The following LRRC4C variants were observed in gnomAD, a reference collection of about 807,000 sequenced individuals.
The protein encoded by LRRC4C is leucine rich repeat containing 4C.
A neutral mutation model predicts 33.6 loss-of-function variants in LRRC4C; 5 were observed. That is an observed-to-expected ratio of 0.15 (90% CI 0.08 to 0.31). The LOEUF (loss-of-function observed/expected upper bound fraction) is 0.31, where lower values mean the gene tolerates loss of function less well. Among genes scored for constraint, LRRC4C ranks in the 10% least tolerant of loss-of-function variants. LRRC4C has a pLI of 1.00. For missense variants in LRRC4C, 560 were observed against 796.7 expected (o/e 0.70, Z 3.58); for synonymous variants, 329 against 302.0 (o/e 1.09, Z -0.93).
chr11:40,566,735 A>G (rs1425550352), intron 3 of LRRC4C, among the ~76,000 whole-genome samples: 1 of 152,146 alleles, frequency 6.6e-6, no homozygotes, highest in East Asian at 1.9e-4. Context: ...TAAAGCTAAC[A>G]TTATTGCTAA....
intron 5 of LRRC4C, among the ~76,000 whole-genome samples, chr11:40,152,134 C>A (rs888798353): frequency 6.6e-6 from 1 of 152,158 alleles, no homozygotes; most frequent in Admixed American, 6.5e-5. Flanking sequence ...GTGAGTGCCC[C>A]ATCTGTGGAA....
At chr11:41,434,982 T>C (rs1955377252) in intron 1 of LRRC4C, among the ~76,000 whole-genome samples, 3 of 152,176 alleles carry the variant, frequency 2.0e-5, no homozygotes, top group Admixed American at 1.3e-4. Flanking sequence ...TTATCTTGCA[T>C]TTTATAAGCC....
chr11:40,920,666 A>T (rs552137842), intron 2 of LRRC4C, among the ~76,000 whole-genome samples: 1 of 152,242 alleles, frequency 6.6e-6, no homozygotes, highest in South Asian at 2.1e-4. Context: ...TGATGACTCA[A>T]TTCACCCATT....
At chr11:41,019,781 G>T (rs1855831784) in intron 1 of LRRC4C, among the ~76,000 whole-genome samples, 1 of 152,086 alleles carries the variant, frequency 6.6e-6, no homozygotes, top group African/African-American at 2.4e-5. Context: ...GTGATGCTGA[G>T]CTTTTTTTCC....
At chr11:40,972,157 A>T (rs1215923574) in intron 1 of LRRC4C, among the ~76,000 whole-genome samples, 2 of 147,352 alleles carry the variant, frequency 1.4e-5, no homozygotes, top group African/African-American at 5.0e-5. Flanking sequence ...TTTTTTTTGA[A>T]ATGGAGTCTT....
At position 40,661,077 on chromosome 11, in the gene LRRC4C, T is replaced by C. The variant is rs540971419; in HGVS notation, c.-406-12799A>G. Among the ~76,000 whole-genome samples the C allele has an allele frequency of 4.6e-5, 7 of 152,258 alleles. No homozygotes were observed. The South Asian group carries it at 1.0e-3, about 23-fold the overall frequency. On this transcript the variant is annotated intron_variant, in intron 2 of 6. Coordinates refer to ENST00000528697, the MANE Select transcript of LRRC4C (RefSeq NM_001258419.2). ...TTTGACATAAACATACAATAACGAA[T>C]TGAATTATTAGAATTACCATGACAA...
chr11:40,752,575 T>C (rs1336148575), intron 2 of LRRC4C, among the ~76,000 whole-genome samples: 1 of 151,750 alleles, frequency 6.6e-6, no homozygotes, highest in Non-Finnish European at 1.5e-5. Context: ...ACAATGGCTA[T>C]TACTAAAAAT....
chr11:40,462,233 G>A (rs1257264933), intron 3 of LRRC4C, among the ~76,000 whole-genome samples: 2 of 152,000 alleles, frequency 1.3e-5, no homozygotes, highest in Admixed American at 6.6e-5. Context: ...TAACATAAGA[G>A]TTTATTTAAA....
chr11:40,707,572 G>T (rs768867667), intron 2 of LRRC4C, among the ~76,000 whole-genome samples: 1 of 152,170 alleles, frequency 6.6e-6, no homozygotes, highest in Non-Finnish European at 1.5e-5. Flanking sequence ...ACTTGACCTT[G>T]GTGGATAAGC....
chr11:41,144,004 T>A (rs1019723833), intron 1 of LRRC4C, among the ~76,000 whole-genome samples: 3 of 152,174 alleles, frequency 2.0e-5, no homozygotes, highest in Non-Finnish European at 4.4e-5. Context: ...ATTAGAAAAC[T>A]AAGAAGATGC....
rs548642327 is a variant in LRRC4C, at chr11:41,170,877, C to G, written c.-495-237154G>C. On this transcript the variant is annotated intron_variant, in intron 1 of 6. Coordinates refer to ENST00000528697, the MANE Select transcript of LRRC4C (RefSeq NM_001258419.2). ...TCATTGGACAAAGGGCTAATATCCACAATCTACAATGAACTCAAACACATT... is the reference window on the plus strand; with the variant it reads ...TCATTGGACAAAGGGCTAATATCCAGAATCTACAATGAACTCAAACACATT... 3.1e-3 allele frequency among the ~76,000 whole-genome samples: 467 copies of G among 152,180 alleles called. 1 individual carries two copies. Among genetic ancestry groups the G allele is most frequent in the Non-Finnish European group, 5.3e-3 (358 of 67,982 alleles).
chr11:40,772,521 G>T (rs999739915), intron 2 of LRRC4C, among the ~76,000 whole-genome samples: 2 of 152,112 alleles, frequency 1.3e-5, no homozygotes, highest in Non-Finnish European at 2.9e-5. Context: ...CTAACAATCT[G>T]ATTTTAAAAA....
At chr11:40,214,765 T>C (rs1476482229) in intron 5 of LRRC4C, among the ~76,000 whole-genome samples, 1 of 152,178 alleles carries the variant, frequency 6.6e-6, no homozygotes, top group African/African-American at 2.4e-5. Context: ...TTTTGTTGTT[T>C]AAACCACCAA....
At chr11:40,819,246 A>C (rs1234250052) in intron 2 of LRRC4C, among the ~76,000 whole-genome samples, 1 of 152,060 alleles carries the variant, frequency 6.6e-6, no homozygotes, top group Non-Finnish European at 1.5e-5. Flanking sequence ...GCAAAAACCC[A>C]CTCTACAACT....
chr11:41,452,635 G>A (rs1264226761), intron 1 of LRRC4C, among the ~76,000 whole-genome samples: 1 of 151,996 alleles, frequency 6.6e-6, no homozygotes, highest in African/African-American at 2.4e-5. Context: ...CCCAGTTTAT[G>A]AAATTCTGAA....
intron 3 of LRRC4C, among the ~76,000 whole-genome samples, chr11:40,357,596 T>A (rs565719292): frequency 1.1e-4 from 16 of 152,108 alleles, no homozygotes; most frequent in Admixed American, 2.6e-4. Context: ...TTTATTTCCT[T>A]CTGTAAAACT....
intron 2 of LRRC4C, among the ~76,000 whole-genome samples, chr11:40,663,684 G>A (rs1358410338): frequency 6.6e-6 from 1 of 152,146 alleles, no homozygotes; most frequent in Admixed American, 6.6e-5. Flanking sequence ...TAACAGCAGA[G>A]GGAATCTCCA....
At chr11:41,255,530 C>T (rs1026174976) in intron 1 of LRRC4C, among the ~76,000 whole-genome samples, 1 of 151,774 alleles carries the variant, frequency 6.6e-6, no homozygotes, top group African/African-American at 2.4e-5. Flanking sequence ...CCTTTTAATC[C>T]CCTTAAATCT....
intron 1 of LRRC4C, among the ~76,000 whole-genome samples, chr11:41,400,723 A>G (rs1013177408): frequency 6.6e-6 from 1 of 151,938 alleles, no homozygotes; most frequent in African/African-American, 2.4e-5. Context: ...GAAATTTGCA[A>G]ATGAAACTGC....
Sources: gnomAD v4.1 joint callset for allele counts (sites outside exome capture counted in the v4.1 genomes callset) on GRCh38, gnomAD v4.1.1 for gene constraint, MANE v1.5 for transcripts, NCBI Gene and HGNC (gene_info 2026-07-23, HGNC 2026-07-21) for gene names.